Variants in KALRN observed in about 807,000 individuals in gnomAD.
The protein encoded by KALRN is kalirin RhoGEF kinase, also known as kalirin.
KALRN carries 70 observed loss-of-function variants against 353.7 expected under a neutral mutation model. The ratio of observed to expected loss-of-function variants is 0.20; its 90% CI spans 0.16 to 0.24. The LOEUF is 0.24. KALRN is among the 10% of genes least tolerant of loss of function. The pLI is 1.00. For missense variants in KALRN, 2,791 were observed against 3,756.7 expected (o/e 0.74, Z 6.72); for synonymous variants, 1,391 against 1,434.8 (o/e 0.97, Z 0.69).
In KALRN at chr3:124,682,607, C is replaced by A. The variant is rs543835886; in HGVS notation, c.7377+3090C>A. 1.1e-4 allele frequency among the ~76,000 whole-genome samples: 16 copies of A among 152,296 alleles called. No individual in the cohort carries two copies. In the South Asian group the frequency reaches 3.3e-3, roughly 32 times the overall value. ...CTTTACTTTTTCTCAATAAGTGGAC[C>A]AAATGGTTCCTTTAAGGGCAGTTTC... On this transcript the variant is annotated intron_variant, in intron 51 of 59. Transcript: ENST00000682506.
intron 10 of KALRN, among the ~76,000 whole-genome samples, chr3:124,364,791 T>G (rs868702873): frequency 6.6e-6 from 1 of 152,194 alleles, no homozygotes; most frequent in South Asian, 2.1e-4. Context: ...CAGTGAGGAC[T>G]GCAGCTGGGG....
intron 33 of KALRN, among the ~76,000 whole-genome samples, chr3:124,497,989 C>T (rs569727058): frequency 2.0e-5 from 3 of 152,318 alleles, no homozygotes; most frequent in East Asian, 3.9e-4. Context: ...AGACCTTTGA[C>T]GGCAGCCATT....
intron 34 of KALRN, among the ~76,000 whole-genome samples, chr3:124,622,383 A>G (rs1459744433): frequency 6.6e-6 from 1 of 152,188 alleles, no homozygotes; most frequent in Non-Finnish European, 1.5e-5. Flanking sequence ...ACTGGACCCC[A>G]TTGTCTTTTA....
intron 45 of KALRN, among the ~76,000 whole-genome samples, chr3:124,664,364 T>C (rs62265595): frequency 0.049 from 6,271 of 126,858 alleles, 209 homozygotes; most frequent in Middle Eastern, 0.14. Flanking sequence ...TGTGTGTGTG[T>C]GTGTGTGCGC....
At chr3:124,411,461 T>TTTTTTTTTTTAA (rs869188737) in intron 13 of KALRN, among the ~76,000 whole-genome samples, 3 of 96,100 alleles carry the variant, frequency 3.1e-5, no homozygotes, top group African/African-American at 7.4e-5. Flanking sequence ...TTTTTTTTTT[T>TTTTTTTTTTTAA]AAGAAACAGG....
At chr3:124,523,170 C>T (rs2067302550) in intron 33 of KALRN, among the ~76,000 whole-genome samples, 1 of 152,194 alleles carries the variant, frequency 6.6e-6, no homozygotes, top group African/African-American at 2.4e-5. Flanking sequence ...AAGTCTGAGA[C>T]TCCCAGATCT....
At chr3:124,536,971 G>C (rs1008798935) in intron 33 of KALRN, among the ~76,000 whole-genome samples, 2 of 152,198 alleles carry the variant, frequency 1.3e-5, no homozygotes, top group African/African-American at 2.4e-5. Flanking sequence ...TCAAATTTAT[G>C]ATGAGGCGAA....
chr3:124,378,624 GTCTT>G (rs1261379928), intron 10 of KALRN, among the ~76,000 whole-genome samples: 1 of 152,006 alleles, frequency 6.6e-6, no homozygotes, highest in East Asian at 1.9e-4. Context: ...ATCTGAAAAA[GTCTT>G]TATTTCACTT....
At chr3:124,105,410 A>G (rs1414188206) in intron 1 of KALRN, among the ~76,000 whole-genome samples, 1 of 152,210 alleles carries the variant, frequency 6.6e-6, no homozygotes, top group East Asian at 1.9e-4. Context: ...GTCATTTGCC[A>G]AGAAGTGATG....
At chr3:124,519,307 T>A (rs558542579) in intron 33 of KALRN, 12 of 981,482 alleles carry the variant, frequency 1.2e-5, no homozygotes, top group Non-Finnish European at 1.5e-5. Flanking sequence ...TCTGTATTTG[T>A]TTGCAATTTT....
At chr3:124,459,881 A>T (rs1461351310) in intron 23 of KALRN, among the ~76,000 whole-genome samples, 1 of 152,114 alleles carries the variant, frequency 6.6e-6, no homozygotes, top group Non-Finnish European at 1.5e-5. Context: ...TGGGGAGTGG[A>T]TTTGTTTGTT....
At chr3:124,100,207 A>G (rs1303823286) in intron 1 of KALRN, 1 of 152,098 alleles carries the variant, frequency 6.6e-6, no homozygotes, top group Non-Finnish European at 1.5e-5. Context: ...CCCACTTTTT[A>G]GTGGGATTAT....
intron 10 of KALRN, among the ~76,000 whole-genome samples, chr3:124,348,763 G>A (rs548088234): frequency 6.6e-6 from 1 of 152,238 alleles, no homozygotes; most frequent in African/African-American, 2.4e-5. Flanking sequence ...TGTTGCCCAG[G>A]CTGGAGTGCA....
intron 1 of KALRN, among the ~76,000 whole-genome samples, chr3:124,129,543 G>A (rs983074544): frequency 6.6e-6 from 1 of 152,190 alleles, no homozygotes; most frequent in Non-Finnish European, 1.5e-5. Context: ...GTTAGGTGTG[G>A]GATGTGATGC....
chr3:124,502,084 T>G (rs979804565), intron 33 of KALRN, among the ~76,000 whole-genome samples: 1 of 152,128 alleles, frequency 6.6e-6, no homozygotes, highest in Non-Finnish European at 1.5e-5. Context: ...AGAGAAAAAT[T>G]GAAAGTCTTT....
At position 124,588,230 on chromosome 3, in the gene KALRN, T is replaced by C. The variant is rs551455302; in HGVS notation, c.5182+25141T>C. ...CATGTGTCTAAGGGGTGATAAATCA[T>C]TGATGTCACACTCTGTGGGGAGTTA... On this transcript the variant is annotated intron_variant, in intron 34 of 59. Coordinates refer to ENST00000682506, the MANE Select transcript of KALRN (RefSeq NM_001388419.1). 2.0e-5 allele frequency among the ~76,000 whole-genome samples: 3 copies of C among 152,282 alleles called. 1 individual carries two copies. In the South Asian group the frequency reaches 6.2e-4, roughly 32 times the overall value.
intron 6 of KALRN, among the ~76,000 whole-genome samples, chr3:124,308,383 A>G (rs188230136): frequency 1.8e-4 from 28 of 152,116 alleles, no homozygotes; most frequent in Admixed American, 1.2e-3. Context: ...CTTCTCCAGG[A>G]CATGAAACAT....
At chr3:124,543,134 AG>A (rs2069224642) in intron 33 of KALRN, among the ~76,000 whole-genome samples, 1 of 152,142 alleles carries the variant, frequency 6.6e-6, no homozygotes, top group African/African-American at 2.4e-5. Flanking sequence ...GAGAACAAGG[AG>A]GAAGCAGCAA....
chr3:124,378,810 TTGTC>T (rs2086931188), intron 10 of KALRN, among the ~76,000 whole-genome samples: 1 of 151,534 alleles, frequency 6.6e-6, no homozygotes, highest in Non-Finnish European at 1.5e-5. Context: ...TGTATATAGC[TTGTC>T]TTTTTTTCCT....
Sources: gnomAD v4.1 joint callset for allele counts (sites outside exome capture counted in the v4.1 genomes callset) on GRCh38, gnomAD v4.1.1 for gene constraint, MANE v1.5 for transcripts, NCBI Gene and HGNC (gene_info 2026-07-23, HGNC 2026-07-21) for gene names.